EHBP1: variants seen among roughly 807,000 people sequenced by gnomAD.
EHBP1 encodes EH domain-binding protein 1.
Under a neutral mutation model 144.0 loss-of-function variants are expected in EHBP1, and 55 were observed. The observed-to-expected ratio is 0.38, with a 90% CI of 0.31 to 0.48. EHBP1 has a LOEUF of 0.48. Among genes scored for constraint, EHBP1 ranks in the 20% least tolerant of loss-of-function variants. EHBP1 has a pLI of 0.98. For missense variants in EHBP1, 1,200 were observed against 1,364.2 expected, an observed-to-expected ratio of 0.88 and a Z score of 1.90; for synonymous variants, 469 against 472.7, an observed-to-expected ratio of 0.99 and a Z score of 0.10.
chr2:62,701,784 T>C (rs1365676400), upstream of EHBP1, among the ~76,000 whole-genome samples: 1 of 152,172 alleles, frequency 6.6e-6, no homozygotes. Flanking sequence ...GGAAGTAAAT[T>C]TGTCTGCTGT....
intron 2 of EHBP1, among the ~76,000 whole-genome samples, chr2:62,720,736 G>A (rs1328628633): frequency 6.6e-6 from 1 of 152,112 alleles, no homozygotes. Context: ...CAGAGCAGGG[G>A]TGTCCAATCT....
rs2059385195 is a variant in EHBP1 at position 62,990,846 on chromosome 2, T to C, written c.2733+6T>C. On this transcript the variant is annotated splice_donor_region_variant and intron_variant, in intron 16 of 22. Transcript: ENST00000431489. ...GCTCAGAGCAGGACATGAAAGTAAG[T>C]CTTACTTGTTTAAAACATTTGGCTT... 1 of 1,606,110 alleles carries C rather than the reference T, an allele frequency of 6.2e-7. No homozygotes were observed. Among genetic ancestry groups the C allele is most frequent in the East Asian group, 2.2e-5 (1 of 44,682 alleles).
At chr2:62,960,242 C>T (rs1314818796) in intron 14 of EHBP1, among the ~76,000 whole-genome samples, 1 of 151,998 alleles carries the variant, frequency 6.6e-6, no homozygotes, top group Non-Finnish European at 1.5e-5. Flanking sequence ...AAATCCTGTC[C>T]CCTCCCTTTA....
chr2:62,950,405 T>C (rs1311713815), intron 13 of EHBP1, among the ~76,000 whole-genome samples: 1 of 152,212 alleles, frequency 6.6e-6, no homozygotes, highest in Non-Finnish European at 1.5e-5. Flanking sequence ...TTCAGCTGCT[T>C]TCTTTTATAT....
intron 1 of EHBP1, among the ~76,000 whole-genome samples, chr2:62,684,238 A>G (rs980197768): frequency 2.0e-5 from 3 of 152,092 alleles, no homozygotes; most frequent in African/African-American, 7.2e-5. Flanking sequence ...TACATCCTTC[A>G]CATAGCAATG....
chr2:62,832,594 T>C (rs1320454307), intron 7 of EHBP1, among the ~76,000 whole-genome samples: 2 of 152,130 alleles, frequency 1.3e-5, no homozygotes, highest in African/African-American at 4.8e-5. Flanking sequence ...TTTTGCAATA[T>C]TTCACACTTT....
At chr2:62,832,503 G>C (rs896209738) in intron 7 of EHBP1, among the ~76,000 whole-genome samples, 1 of 141,062 alleles carries the variant, frequency 7.1e-6, no homozygotes, top group Non-Finnish European at 1.5e-5. Context: ...AAGTCTATCA[G>C]CTTAGTCTGT....
chr2:62,821,079 A>G (rs1023265789), intron 5 of EHBP1, among the ~76,000 whole-genome samples: 5 of 151,996 alleles, frequency 3.3e-5, no homozygotes, highest in Non-Finnish European at 7.4e-5. Flanking sequence ...GAGACCTGAT[A>G]AAGTATTTGT....
At chr2:62,690,486 C>T (rs1471854834) in intron 1 of EHBP1, among the ~76,000 whole-genome samples, 1 of 151,938 alleles carries the variant, frequency 6.6e-6, no homozygotes, top group Non-Finnish European at 1.5e-5. Flanking sequence ...TTGCTTGAAC[C>T]CAGGAGGTGG....
chr2:62,679,081 A>C (rs1026221727), intron 1 of EHBP1, among the ~76,000 whole-genome samples: 4 of 152,326 alleles, frequency 2.6e-5, no homozygotes, highest in Admixed American at 1.3e-4. Flanking sequence ...TCCAAGCCCC[A>C]AAAACTTGGA....
At chr2:62,683,318 C>T (rs188541641) in intron 1 of EHBP1, among the ~76,000 whole-genome samples, 1 of 152,312 alleles carries the variant, frequency 6.6e-6, no homozygotes. Flanking sequence ...ATTTCATTGT[C>T]TTGGCTTGGG....
intron 19 of EHBP1, among the ~76,000 whole-genome samples, chr2:63,014,295 G>A (rs1312722735): frequency 1.3e-5 from 2 of 152,104 alleles, no homozygotes; most frequent in African/African-American, 4.8e-5. Flanking sequence ...CCCTTTAGCT[G>A]TATTAAATGC....
chr2:62,688,172 G>A (rs2033781256), intron 1 of EHBP1, among the ~76,000 whole-genome samples: 2 of 152,136 alleles, frequency 1.3e-5, no homozygotes, highest in Non-Finnish European at 2.9e-5. Context: ...AATATTGGAT[G>A]TAAAAATTGG....
At position 62,916,846 on chromosome 2, in the gene EHBP1, C is replaced by G. The variant is rs994254005; in HGVS notation, c.1186-25872C>G. On this transcript the variant is annotated intron_variant, in intron 10 of 22. Coordinates refer to ENST00000431489, the MANE Select transcript of EHBP1 (RefSeq NM_001142616.3). Reference sequence around the variant, plus strand: ...AATTTTATTAAAATATAAATATATTCATTGTGTATATAAAATATAGCTATT... The same window carrying G: ...AATTTTATTAAAATATAAATATATTGATTGTGTATATAAAATATAGCTATT... Among the ~76,000 whole-genome samples the G allele has an allele frequency of 2.7e-5, 4 of 149,698 alleles. No individual in the cohort carries two copies. In the South Asian group the frequency reaches 8.4e-4, roughly 31 times the overall value.
intron 8 of EHBP1, among the ~76,000 whole-genome samples, chr2:62,863,840 GT>G (rs70962797): frequency 3.6e-4 from 30 of 82,762 alleles, no homozygotes; most frequent in African/African-American, 1.4e-3. Context: ...TTTCTGTGTT[GT>G]TTTTTTTTTT....
chr2:62,768,930 T>A (rs1226240622), intron 4 of EHBP1, among the ~76,000 whole-genome samples: 1 of 152,198 alleles, frequency 6.6e-6, no homozygotes, highest in African/African-American at 2.4e-5. Flanking sequence ...ATTATCTCAA[T>A]AGATGCAGAA....
In EHBP1 at chr2:62,747,512, G is replaced by A. The variant is rs532482765; in HGVS notation, c.162+60G>A. The A allele has an allele frequency of 5.5e-5, 70 of 1,271,656 alleles. No homozygotes were observed. In the South Asian group the frequency reaches 9.0e-4, roughly 16 times the overall value. The allele number at this position is 1,271,656 out of a possible 1,614,324, so 78.8% of individuals were successfully genotyped here. Reference sequence around the variant, plus strand: ...TGAATACAAATTAGCAAACTGCTCTGGTTCCAGTGTAGAATATTTTAAAAT... The same window carrying A: ...TGAATACAAATTAGCAAACTGCTCTAGTTCCAGTGTAGAATATTTTAAAAT... On this transcript the variant is annotated intron_variant, in intron 3 of 22. Coordinates refer to ENST00000431489, the MANE Select transcript of EHBP1 (RefSeq NM_001142616.3).
chr2:62,960,419 T>C (rs911749589), intron 14 of EHBP1, among the ~76,000 whole-genome samples: 1 of 152,198 alleles, frequency 6.6e-6, no homozygotes, highest in African/African-American at 2.4e-5. Context: ...ATAGCACTTC[T>C]ATAAACACTG....
chr2:62,962,170 CA>C, intron 14 of EHBP1, among the ~76,000 whole-genome samples: 1 of 151,990 alleles, frequency 6.6e-6, no homozygotes, highest in East Asian at 1.9e-4. Context: ...ACCAAAAATA[CA>C]AAAAATTACC....
Sources: allele counts gnomAD v4.1 joint callset (sites outside exome capture counted in the v4.1 genomes callset), GRCh38; gene constraint gnomAD v4.1.1; transcripts MANE v1.5; gene names NCBI Gene and HGNC (gene_info 2026-07-23, HGNC 2026-07-21).